The following BMP5 variants were observed in gnomAD, a reference collection of about 807,000 sequenced individuals.
BMP5 encodes the protein bone morphogenetic protein 5.
Under a neutral mutation model 46.6 loss-of-function variants are expected in BMP5, and 23 were observed. That is an observed-to-expected ratio of 0.49 (90% CI 0.35 to 0.70). The LOEUF is 0.70. Ranked by LOEUF, BMP5 falls within the 30% of genes least tolerant of loss-of-function variation. The pLI is 0.00. For missense variants in BMP5, 545 were observed against 565.6 expected (o/e 0.96, Z 0.37); for synonymous variants, 204 against 191.9 (o/e 1.06, Z -0.52).
chr6:55,845,235 C>T (rs927882118), intron 1 of BMP5, among the ~76,000 whole-genome samples: 6 of 152,080 alleles, frequency 3.9e-5, no homozygotes, highest in African/African-American at 1.4e-4. Context: ...ATTTCAGTTT[C>T]ATAACTAATC....
At position 55,774,229 on chromosome 6, in the gene BMP5, C is replaced by T. The variant is rs748147968; in HGVS notation, c.847G>A (p.Val283Ile). ...CTTCCCACAAGACCAGCAGATTTTA[C>T]GTTGATACTGCGTCCTAGAACGTAA... ...AETGDGRSIN[V>I]KSAGLVGRQG... Residue 283 changes from valine (V) to isoleucine (I), a missense_variant, in exon 4 of 7, where the codon GTA becomes ATA. By Grantham distance (29) the Val-to-Ile change is conservative. Transcript: ENST00000370830. 1.4e-5 allele frequency: 22 copies of T among 1,612,764 alleles called. No individual in the cohort carries two copies. The highest frequency in any genetic ancestry group is 1.7e-5 in the Admixed American group (1 of 59,842).
At chr6:55,834,667 A>C (rs549991761) in intron 1 of BMP5, among the ~76,000 whole-genome samples, 2 of 152,314 alleles carry the variant, frequency 1.3e-5, no homozygotes, top group Admixed American at 1.3e-4. Flanking sequence ...TCCCCCAAAA[A>C]AGTAAAACTC....
chr6:55,776,482 T>G (rs1338810290), intron 3 of BMP5, among the ~76,000 whole-genome samples: 1 of 151,920 alleles, frequency 6.6e-6, no homozygotes, highest in East Asian at 1.9e-4. Context: ...ACTTAACTGT[T>G]ATAGAATAGA....
At chr6:55,793,223 A>G (rs1235276301) in intron 3 of BMP5, among the ~76,000 whole-genome samples, 3 of 152,176 alleles carry the variant, frequency 2.0e-5, no homozygotes, top group African/African-American at 7.2e-5. Flanking sequence ...ATATGCCAGT[A>G]TCACCATCAC....
At chr6:55,847,000 A>C (rs926808924) in intron 1 of BMP5, among the ~76,000 whole-genome samples, 2 of 151,908 alleles carry the variant, frequency 1.3e-5, no homozygotes, top group African/African-American at 4.8e-5. Context: ...TTTCAAAAAA[A>C]AAGGAAAATA....
chr6:55,777,407 C>T (rs966629905), intron 3 of BMP5, among the ~76,000 whole-genome samples: 5 of 151,996 alleles, frequency 3.3e-5, no homozygotes, highest in Non-Finnish European at 7.4e-5. Context: ...AACACATTAC[C>T]TTTACATGTG....
intron 1 of BMP5, among the ~76,000 whole-genome samples, chr6:55,839,141 A>G (rs1351450570): frequency 1.3e-5 from 2 of 152,142 alleles, no homozygotes; most frequent in Non-Finnish European, 2.9e-5. Flanking sequence ...TAACATACCT[A>G]GATTGCATAA....
At chr6:55,804,896 T>C (rs1248768919) in intron 2 of BMP5, among the ~76,000 whole-genome samples, 1 of 152,150 alleles carries the variant, frequency 6.6e-6, no homozygotes, top group Non-Finnish European at 1.5e-5. Flanking sequence ...ATGTGGAAGA[T>C]AGAACTTCTT....
intron 1 of BMP5, among the ~76,000 whole-genome samples, chr6:55,832,019 C>T (rs1776676039): frequency 6.6e-6 from 1 of 152,074 alleles, no homozygotes. Context: ...GTATAGGAGG[C>T]AAATAGTCCG....
chr6:55,787,157 C>G (rs1775469226), intron 3 of BMP5, among the ~76,000 whole-genome samples: 1 of 151,546 alleles, frequency 6.6e-6, no homozygotes, highest in African/African-American at 2.4e-5. Flanking sequence ...ATAAATTAAA[C>G]CTCTGACAAC....
intron 2 of BMP5, among the ~76,000 whole-genome samples, chr6:55,810,314 A>G (rs1417793834): frequency 6.6e-6 from 1 of 152,224 alleles, no homozygotes. Flanking sequence ...GTAATATTAG[A>G]TGCAATTGAA....
At chr6:55,870,795 G>A (rs758424834) in intron 1 of BMP5, among the ~76,000 whole-genome samples, 33 of 152,048 alleles carry the variant, frequency 2.2e-4, no homozygotes, top group African/African-American at 4.1e-4. Flanking sequence ...TTTTGAAAGC[G>A]TTTTTCTTTC....
intron 2 of BMP5, among the ~76,000 whole-genome samples, chr6:55,814,842 A>G (rs1776216550): frequency 6.6e-6 from 1 of 152,200 alleles, no homozygotes; most frequent in African/African-American, 2.4e-5. Context: ...TATAAAATTG[A>G]AATATGGCCA....
At chr6:55,837,374 G>GATAT (rs1776838624) in intron 1 of BMP5, among the ~76,000 whole-genome samples, 1 of 152,006 alleles carries the variant, frequency 6.6e-6, no homozygotes, top group East Asian at 1.9e-4. Flanking sequence ...TAGATAGATA[G>GATAT]ATAGACAGAC....
intron 1 of BMP5, among the ~76,000 whole-genome samples, chr6:55,859,169 G>A (rs1410627197): frequency 6.6e-6 from 1 of 152,176 alleles, no homozygotes; most frequent in East Asian, 1.9e-4. Context: ...AGGATAGCAA[G>A]TGATTTAGCA....
At chr6:55,769,223 G>A (rs372653660) in intron 4 of BMP5, among the ~76,000 whole-genome samples, 3 of 151,988 alleles carry the variant, frequency 2.0e-5, no homozygotes, top group African/African-American at 7.2e-5. Flanking sequence ...CTGTTTGATA[G>A]CACTTTACTT....
Position 55,871,793 on chromosome 6 carries a change from C to G in BMP5, c.490+2583G>C, listed in dbSNP as rs559255149. ...GCTACTAGATCCTTTTTATATAATT[C>G]TTCTAATTATGGGAAATGTCAACAG... On this transcript the variant is annotated intron_variant, in intron 1 of 6. Coordinates refer to ENST00000370830, the MANE Select transcript of BMP5 (RefSeq NM_021073.4). Among the ~76,000 whole-genome samples the G allele has an allele frequency of 4.6e-5, 7 of 151,812 alleles. No homozygotes were observed. The South Asian group carries it at 1.5e-3, about 31-fold the overall frequency.
At chr6:55,837,932 CA>C (rs1164216176) in intron 1 of BMP5, among the ~76,000 whole-genome samples, 4 of 151,394 alleles carry the variant, frequency 2.6e-5, no homozygotes, top group African/African-American at 9.7e-5. Context: ...GTGCCTGGAT[CA>C]TTTTACTTAA....
chr6:55,830,762 C>T (rs1333162567), intron 1 of BMP5, among the ~76,000 whole-genome samples: 2 of 152,024 alleles, frequency 1.3e-5, no homozygotes, highest in South Asian at 2.1e-4. Context: ...TGAATTAAAA[C>T]AATTTAAGTC....
Sources: allele counts gnomAD v4.1 joint callset (sites outside exome capture counted in the v4.1 genomes callset), GRCh38; gene constraint gnomAD v4.1.1; transcripts MANE v1.5; gene names NCBI Gene and HGNC (gene_info 2026-07-23, HGNC 2026-07-21).